The following TRIM62 variants were observed in gnomAD, a reference collection of about 807,000 sequenced individuals.
TRIM62 encodes the protein tripartite motif containing 62.
Under a neutral mutation model 44.2 loss-of-function variants are expected in TRIM62, and 39 were observed. The ratio of observed to expected loss-of-function variants is 0.88; its 90% CI spans 0.68 to 1.15. The LOEUF (loss-of-function observed/expected upper bound fraction) is 1.15. Ranked by LOEUF, TRIM62 falls within the 50% of genes most tolerant of loss-of-function variation. The pLI is 0.00. For synonymous variants in TRIM62, 278 were observed against 292.3 expected (o/e 0.95, Z 0.50); for missense variants, 544 against 665.5 (o/e 0.82, Z 2.01).
At chr1:33,152,466 C>T (rs139236752) in intron 4 of TRIM62, among the ~76,000 whole-genome samples, 309 of 151,744 alleles carry the variant, frequency 2.0e-3, no homozygotes, top group African/African-American at 7.2e-3. Flanking sequence ...ACTTGGGAGG[C>T]TGAGGCAGGA....
intron 4 of TRIM62, among the ~76,000 whole-genome samples, chr1:33,152,190 A>G (rs1198190995): frequency 6.6e-6 from 1 of 152,228 alleles, no homozygotes; most frequent in East Asian, 1.9e-4. Flanking sequence ...TGCCACTTGG[A>G]GAGGAAGCAG....
chr1:33,171,634 A>T (rs1374934519), intron 1 of TRIM62, among the ~76,000 whole-genome samples: 3 of 152,226 alleles, frequency 2.0e-5, no homozygotes, highest in African/African-American at 7.2e-5. Context: ...TTAGTCGAGG[A>T]GGAAGAAACT....
intron 2 of TRIM62, chr1:33,163,488 A>G (rs1645296408): frequency 6.6e-6 from 1 of 152,256 alleles, no homozygotes; most frequent in African/African-American, 2.4e-5. Flanking sequence ...AGCACAGAGA[A>G]AAGTTCTGCT....
Position 33,147,712 on chromosome 1 carries a change from G to A in TRIM62, c.893C>T (p.Thr298Ile). 6.2e-7 allele frequency: 1 copy of A among 1,611,414 alleles called. No homozygotes were observed. The highest frequency in any genetic ancestry group is 8.5e-7 in the Non-Finnish European group (1 of 1,178,224). Residue 298 changes from threonine (T) to isoleucine (I), a missense_variant, in exon 5 of 5, where the codon ACC (threonine) becomes ATC (isoleucine). Coordinates refer to ENST00000291416, the MANE Select transcript of TRIM62 (RefSeq NM_018207.3). This position sits in a 1 kb window ranked among gnomAD's most constrained non-coding sequence, Gnocchi z 8.1. ...QDIHPVPAAL[T>I]LDPGTAHQRL... ...CTGGTGGGCTGTGCCCGGGTCCAGG[G>A]TTAGGGCGGCTGGCACTGTGGGGGT...
chr1:33,154,720 C>A (rs567614488), intron 4 of TRIM62, among the ~76,000 whole-genome samples: 9 of 151,706 alleles, frequency 5.9e-5, no homozygotes, highest in African/African-American at 2.2e-4. Flanking sequence ...ATCGCCTGAA[C>A]CCAGGAGGCA....
In TRIM62 at chr1:33,165,419, A is replaced by T; in HGVS notation, c.504+52T>A. The T allele has an allele frequency of 6.7e-7, 1 of 1,491,140 alleles. No homozygotes were observed. The highest frequency in any genetic ancestry group is 1.2e-5 in the South Asian group (1 of 80,444). The allele number at this position is 1,491,140 out of a possible 1,614,324, so 92.4% of individuals were successfully genotyped here. On this transcript the variant is annotated intron_variant, in intron 2 of 4. Coordinates refer to ENST00000291416, the MANE Select transcript of TRIM62 (RefSeq NM_018207.3). This position sits in a 1 kb window ranked among gnomAD's most constrained non-coding sequence, Gnocchi z 4.0. ...TTCCCCAGCTGGCCCCGCCCCTCGA[A>T]GCCCTGCCCTCATCTCTGCCGGCCC...
chr1:33,148,230 C>T (rs990878893), intron 4 of TRIM62, among the ~76,000 whole-genome samples: 2 of 152,130 alleles, frequency 1.3e-5, no homozygotes, highest in African/African-American at 2.4e-5. Flanking sequence ...ACACCTTCCC[C>T]GACTCCCAGT....
rs1570279985 is a variant in TRIM62 at position 33,147,538 on chromosome 1, A to G, written c.1067T>C (p.Val356Ala). 6.2e-7 allele frequency: 1 copy of G among 1,613,684 alleles called. No individual in the cohort carries two copies. The highest frequency in any genetic ancestry group is 1.1e-5 in the South Asian group (1 of 91,066). ...CACCCACTGGGTCTTCTCCGCCACC[A>G]CCACCTCCCAGTAGTGGACGCCACT... ...FSSGVHYWEV[V>A]VAEKTQWVIG... Residue 356 changes from valine to alanine, a missense_variant, in exon 5 of 5, where the codon GTG (valine) becomes GCG (alanine). Transcript: ENST00000291416. This position sits in a 1 kb window ranked among gnomAD's most constrained non-coding sequence, Gnocchi z 8.1.
chr1:33,154,412 G>T (rs902252183), intron 4 of TRIM62, among the ~76,000 whole-genome samples: 3 of 152,176 alleles, frequency 2.0e-5, no homozygotes, highest in Non-Finnish European at 2.9e-5. Context: ...GGCCCTGTAG[G>T]ATCTGGGGCC....
chr1:33,169,681 T>TACGACAC (rs1222659145), intron 1 of TRIM62, among the ~76,000 whole-genome samples: 1 of 152,232 alleles, frequency 6.6e-6, no homozygotes. Flanking sequence ...TGCTGTTCAA[T>TACGACAC]ACGACACACG....
intron 4 of TRIM62, among the ~76,000 whole-genome samples, chr1:33,153,166 C>T (rs1398273171): frequency 1.3e-5 from 2 of 152,164 alleles, no homozygotes; most frequent in African/African-American, 4.8e-5. Context: ...CTGCTAGAAT[C>T]CATGGGCTAG....
chr1:33,181,655 T>C lies in TRIM62; in HGVS notation c.-223A>G, dbSNP rs886726633. 1.4e-5 allele frequency: 11 copies of C among 764,676 alleles called. No homozygotes were observed. The African/African-American group carries it at 2.1e-4, about 14-fold the overall frequency. 47.4% of individuals were successfully genotyped at this position (764,676 alleles called of 1,614,324 possible). ...GGGACGCCAGCCCGGGAGGGCAGTC[T>C]AGAGGTAGTGGGCAGCTCAAGGCGA... On this transcript the variant is annotated 5_prime_UTR_variant, in exon 1 of 5. Transcript: ENST00000291416. This position sits in a 1 kb window ranked among gnomAD's most constrained non-coding sequence, Gnocchi z 6.5.
At position 33,181,554 on chromosome 1, in the gene TRIM62, G is replaced by T; in HGVS notation, c.-122C>A. ...ACGAGGCCCGCACAGGCAGGGGTAG[G>T]AGCTACCGGAGAAGGGAGGGGGTGC... On this transcript the variant is annotated 5_prime_UTR_variant, in exon 1 of 5. Transcript: ENST00000291416. This position sits in a 1 kb window ranked among gnomAD's most constrained non-coding sequence, Gnocchi z 6.5. 7.0e-7 allele frequency: 1 copy of T among 1,419,012 alleles called. No homozygotes were observed. Among genetic ancestry groups the T allele is most frequent in the Non-Finnish European group, 9.1e-7 (1 of 1,093,826 alleles). 87.9% of individuals were successfully genotyped at this position (1,419,012 alleles called of 1,614,324 possible).
chr1:33,157,179 C>T (rs984147735), intron 4 of TRIM62, among the ~76,000 whole-genome samples: 1 of 152,174 alleles, frequency 6.6e-6, no homozygotes, highest in Non-Finnish European at 1.5e-5. Flanking sequence ...TACAGACCCT[C>T]GTGGTGTCTG....
chr1:33,155,867 A>G (rs1234131656), intron 4 of TRIM62, among the ~76,000 whole-genome samples: 1 of 152,170 alleles, frequency 6.6e-6, no homozygotes, highest in African/African-American at 2.4e-5. Flanking sequence ...CCAACACCTG[A>G]TAAGTCTACT....
In TRIM62 at chr1:33,181,030, G is replaced by T. The variant is rs1332419787; in HGVS notation, c.403C>A (p.Leu135Met). ...AGGCAGGCCGGGTAGCGCACCTGCA[G>T]CTCGTCGAAGGCGTCGTCGATGCCG... ...VTGIDDAFDE[L>M]QRELKDQLQA... is the part of the protein sequence containing the mutation. Residue 135 changes from leucine (L) to methionine (M), a missense_variant, in exon 1 of 5, where the codon CTG becomes ATG. Physicochemically the swap from Leu to Met is conservative, Grantham distance 15. Coordinates refer to ENST00000291416, the MANE Select transcript of TRIM62 (RefSeq NM_018207.3). This position sits in a 1 kb window ranked among gnomAD's most constrained non-coding sequence, Gnocchi z 6.5. 1.3e-6 allele frequency: 2 copies of T among 1,578,364 alleles called. No individual in the cohort carries two copies. Among genetic ancestry groups the T allele is most frequent in the Admixed American group, 3.4e-5 (2 of 58,496 alleles).
At chr1:33,178,968 A>C (rs1645441296) in intron 1 of TRIM62, among the ~76,000 whole-genome samples, 1 of 152,248 alleles carries the variant, frequency 6.6e-6, no homozygotes, top group Non-Finnish European at 1.5e-5. Context: ...AGGTCAGACA[A>C]GGAGGGGAGA....
In TRIM62 at chr1:33,177,143, G is replaced by A. The variant is rs1280620340; in HGVS notation, c.408+3882C>T. Among the ~76,000 whole-genome samples the A allele has an allele frequency of 6.6e-6, 1 of 152,016 alleles. No homozygotes were observed. Among genetic ancestry groups the A allele is most frequent in the Non-Finnish European group, 1.5e-5 (1 of 68,004 alleles). On this transcript the variant is annotated intron_variant, in intron 1 of 4. Coordinates refer to ENST00000291416, the MANE Select transcript of TRIM62 (RefSeq NM_018207.3). The surrounding 1 kb of genome is among the most constrained non-coding windows in gnomAD (Gnocchi z 4.1). ...TGTACGCATGCACACACACGCACAT[G>A]CACACCCACAGGTTACATAAAAATC...
At chr1:33,150,145 A>G (rs938862553) in intron 4 of TRIM62, among the ~76,000 whole-genome samples, 1 of 152,376 alleles carries the variant, frequency 6.6e-6, no homozygotes, top group Non-Finnish European at 1.5e-5. Flanking sequence ...CTTAGCCTGA[A>G]TGACCATTTC....
Sources: allele counts gnomAD v4.1 joint callset (sites outside exome capture counted in the v4.1 genomes callset), GRCh38; gene constraint gnomAD v4.1.1; non-coding constraint Gnocchi (gnomAD v3.1); transcripts MANE v1.5; gene names NCBI Gene and HGNC (gene_info 2026-07-23, HGNC 2026-07-21).